The following PDE4D variants were observed in gnomAD, a reference collection of about 807,000 sequenced individuals.
PDE4D encodes the protein phosphodiesterase 4D.
In PDE4D, 24 loss-of-function variants were observed where a neutral mutation model predicts 87.4. That is an observed-to-expected ratio of 0.27 (90% CI 0.20 to 0.39). The LOEUF (loss-of-function observed/expected upper bound fraction) is 0.39. Among genes scored for constraint, PDE4D ranks in the 10% least tolerant of loss-of-function variants. The probability of loss-of-function intolerance (pLI) is 1.00; values close to 1 mark genes in which losing one functional copy is unlikely to be tolerated. For synonymous variants in PDE4D, 384 were observed against 383.2 expected, an observed-to-expected ratio of 1.00 and a Z score of -0.02; for missense variants, 714 against 1,041.0, an observed-to-expected ratio of 0.69 and a Z score of 4.32.
intron 5 of PDE4D, among the ~76,000 whole-genome samples, chr5:59,175,433 G>A (rs1783659342): frequency 6.8e-6 from 1 of 148,044 alleles, no homozygotes; most frequent in South Asian, 2.2e-4. Context: ...CACTTGGTGA[G>A]TTCCTCATCA....
intron 1 of PDE4D, among the ~76,000 whole-genome samples, chr5:60,204,015 T>C (rs549192394): frequency 1.3e-5 from 2 of 152,234 alleles, no homozygotes; most frequent in Non-Finnish European, 2.9e-5. Flanking sequence ...ATCTTTAAGA[T>C]GCAAAGTTTC....
intron 3 of PDE4D, among the ~76,000 whole-genome samples, chr5:59,945,247 C>T (rs1313667804): frequency 6.6e-6 from 1 of 152,182 alleles, no homozygotes; most frequent in African/African-American, 2.4e-5. Flanking sequence ...TCTTCTACCA[C>T]TTTGAGAGGA....
chr5:59,523,490 G>A lies in PDE4D; in HGVS notation c.456-307522C>T, dbSNP rs369982710. On this transcript the variant is annotated intron_variant, in intron 1 of 14. Transcript: ENST00000340635. ...GGTTCACTGCACAACATTTCTTACA[G>A]GTTTAGATAGCACACCTTGTTTTGT... 1.8e-4 allele frequency among the ~76,000 whole-genome samples: 27 copies of A among 152,278 alleles called. 1 individual carries two copies. The highest frequency in any genetic ancestry group is 6.3e-4 in the African/African-American group (26 of 41,556).
chr5:60,512,386 C>T (rs571538122), intron 1 of PDE4D, among the ~76,000 whole-genome samples: 1 of 152,170 alleles, frequency 6.6e-6, no homozygotes, highest in East Asian at 1.9e-4. Context: ...ATATGTAAAA[C>T]AAAGGTCTCT....
chr5:60,250,877 G>A (rs947777888), intron 1 of PDE4D, among the ~76,000 whole-genome samples: 24 of 151,914 alleles, frequency 1.6e-4, no homozygotes, highest in Admixed American at 6.6e-4. Flanking sequence ...CATCAGAGAC[G>A]ATGGCAGCTC....
chr5:60,298,605 C>T (rs896568088), intron 1 of PDE4D, among the ~76,000 whole-genome samples: 1 of 152,206 alleles, frequency 6.6e-6, no homozygotes, highest in African/African-American at 2.4e-5. Flanking sequence ...TAACTTCCTT[C>T]TGTGTTTTTC....
intron 1 of PDE4D, among the ~76,000 whole-genome samples, chr5:60,254,753 T>C (rs958484285): frequency 4.6e-5 from 7 of 151,902 alleles, no homozygotes; most frequent in African/African-American, 1.4e-4. Context: ...ATAAAATGTG[T>C]AATCTTAGAA....
chr5:59,981,195 T>G (rs1380234844), intron 3 of PDE4D, among the ~76,000 whole-genome samples: 1 of 152,092 alleles, frequency 6.6e-6, no homozygotes, highest in Non-Finnish European at 1.5e-5. Context: ...GAGGTTGCAG[T>G]GAGCCGAGAT....
intron 2 of PDE4D, among the ~76,000 whole-genome samples, chr5:60,004,178 TA>T (rs1764266748): frequency 6.6e-6 from 1 of 152,130 alleles, no homozygotes; most frequent in Non-Finnish European, 1.5e-5. Flanking sequence ...ACATCAGACT[TA>T]AAAGCTTTTG....
intron 1 of PDE4D, among the ~76,000 whole-genome samples, chr5:59,797,419 A>G (rs1766617667): frequency 6.6e-6 from 1 of 152,224 alleles, no homozygotes; most frequent in South Asian, 2.1e-4. Flanking sequence ...TGGGCAAATA[A>G]AAATTTTCTG....
intron 3 of PDE4D, among the ~76,000 whole-genome samples, chr5:59,973,924 A>T (rs955539624): frequency 2.0e-5 from 3 of 152,180 alleles, no homozygotes; most frequent in Non-Finnish European, 4.4e-5. Context: ...TACATCAAGG[A>T]TCTTGGTTCC....
chr5:59,112,326 G>A (rs750848493), intron 5 of PDE4D, among the ~76,000 whole-genome samples: 4 of 152,174 alleles, frequency 2.6e-5, no homozygotes, highest in East Asian at 1.9e-4. Context: ...TGGGCTACAC[G>A]TTGTGGGCCA....
chr5:59,589,915 C>G (rs1825686598), intron 1 of PDE4D, among the ~76,000 whole-genome samples: 1 of 151,932 alleles, frequency 6.6e-6, no homozygotes, highest in Non-Finnish European at 1.5e-5. Flanking sequence ...AGAATAAAGT[C>G]TAACAAATTA....
chr5:59,759,741 A>G (rs1344604326), intron 1 of PDE4D, among the ~76,000 whole-genome samples: 1 of 152,112 alleles, frequency 6.6e-6, no homozygotes, highest in Non-Finnish European at 1.5e-5. Flanking sequence ...TCTTCCCCAA[A>G]CATTCCAGCA....
At chr5:60,493,927 C>T (rs750668426) in intron 1 of PDE4D, among the ~76,000 whole-genome samples, 3 of 152,046 alleles carry the variant, frequency 2.0e-5, no homozygotes, top group Non-Finnish European at 2.9e-5. Flanking sequence ...AGAGGACAAA[C>T]GAACATTGGA....
chr5:59,473,644 A>G (rs1280219358), intron 1 of PDE4D, among the ~76,000 whole-genome samples: 5 of 152,118 alleles, frequency 3.3e-5, no homozygotes, highest in Non-Finnish European at 7.4e-5. Context: ...TTCAATGTCC[A>G]GATTCCCAGA....
At chr5:60,482,171 A>G (rs1055113559) in intron 1 of PDE4D, among the ~76,000 whole-genome samples, 3 of 152,084 alleles carry the variant, frequency 2.0e-5, no homozygotes, top group Non-Finnish European at 4.4e-5. Context: ...GTGCCTTTAC[A>G]AAAAGAAGCC....
rs80294764 is a variant in PDE4D at position 59,150,557 on chromosome 5, G to A, written c.808+30038C>T. 6.6e-3 allele frequency among the ~76,000 whole-genome samples: 1,011 copies of A among 152,118 alleles called. 14 individuals carry two copies. Among genetic ancestry groups the A allele is most frequent in the African/African-American group, 0.023 (953 of 41,498 alleles). ...AAGAATGGGGATAATGCTTCTTTTT[G>A]GTCATCAATGTATCTCAAGAGCTTT... On this transcript the variant is annotated intron_variant, in intron 5 of 14. Coordinates refer to ENST00000340635, the MANE Select transcript of PDE4D (RefSeq NM_001104631.2).
chr5:60,337,946 T>TA (rs967028336), intron 1 of PDE4D, among the ~76,000 whole-genome samples: 20 of 151,808 alleles, frequency 1.3e-4, no homozygotes, highest in Non-Finnish European at 2.9e-4. Context: ...ACATACAATG[T>TA]AAAAAAAATC....
Sources: gnomAD v4.1 joint callset for allele counts (sites outside exome capture counted in the v4.1 genomes callset) on GRCh38, gnomAD v4.1.1 for gene constraint, MANE v1.5 for transcripts, NCBI Gene and HGNC (gene_info 2026-07-23, HGNC 2026-07-21) for gene names.